Variants in ITIH6 observed in about 807,000 individuals in gnomAD.
The protein encoded by ITIH6 is inter-alpha-trypsin inhibitor heavy chain family member 6.
A neutral mutation model predicts 58.2 loss-of-function variants in ITIH6; 60 were observed. That is an observed-to-expected ratio of 1.03 (90% CI 0.84 to 1.28). The LOEUF (loss-of-function observed/expected upper bound fraction) is 1.28. Among genes scored for constraint, ITIH6 ranks in the 50% most tolerant of loss-of-function variants. The pLI is 0.00. For synonymous variants in ITIH6, 493 were observed against 417.4 expected (o/e 1.18, Z -2.21); for missense variants, 1,290 against 1,021.1 (o/e 1.26, Z -3.59).
At chrX:54,780,816 A>G (rs1283386109) in intron 5 of ITIH6, among the ~76,000 whole-genome samples, 1 of 111,690 alleles carries the variant, frequency 9.0e-6, no homozygotes, top group Non-Finnish European at 1.9e-5. Flanking sequence ...ATCAGATGAG[A>G]AAGTAGACAT....
intron 6 of ITIH6, among the ~76,000 whole-genome samples, chrX:54,768,215 C>T (rs1418912004): frequency 5.6e-5 from 2 of 35,992 alleles, no homozygotes; most frequent in East Asian, 1.8e-3. Context: ...GATTGCAACC[C>T]CTGCCTTTTT....
At chrX:54,763,394 A>G (rs760538678) in intron 6 of ITIH6, among the ~76,000 whole-genome samples, 1 of 111,832 alleles carries the variant, frequency 8.9e-6, no homozygotes, top group African/African-American at 3.2e-5. Context: ...TAGAAGTCAG[A>G]ACCTCTTGTT....
chrX:54,769,450 G>C (rs1401551626), intron 6 of ITIH6, among the ~76,000 whole-genome samples: 2 of 105,849 alleles, frequency 1.9e-5, no homozygotes, highest in South Asian at 4.4e-4. Context: ...AGGAGGAGAG[G>C]CACTCTGCGT....
chrX:54,753,849 A>T, intron 10 of ITIH6, 81 bp downstream of exon 10: 9 of 1,113,981 alleles, frequency 8.1e-6, no homozygotes, highest in Non-Finnish European at 9.9e-6. Context: ...GGAAGAGGTT[A>T]TGTCTATTTC....
At chrX:54,795,971 C>A (rs1013976525) in intron 2 of ITIH6, among the ~76,000 whole-genome samples, 9 of 112,065 alleles carry the variant, frequency 8.0e-5, no homozygotes, top group African/African-American at 2.9e-4. Flanking sequence ...TTCAAGCAAT[C>A]CTCCTGCCTC....
At position 54,767,386 on chromosome X, in the gene ITIH6, T is replaced by C. The variant is rs1465857007; in HGVS notation, c.903+6695A>G. Among the ~76,000 whole-genome samples, 3 of 107,335 alleles carry C rather than the reference T, an allele frequency of 2.8e-5. No homozygotes were observed. The East Asian group carries it at 8.7e-4, about 31-fold the overall frequency. 93.2% of individuals were successfully genotyped at this position (107,335 alleles called of 115,157 possible). ...TTGAAGGGTTTTTTTGTGTCTCTAT[T>C]TCCTTCAGTTCTGCTCTGATTTTAG... On this transcript the variant is annotated intron_variant, in intron 6 of 12. Coordinates refer to ENST00000218436, the MANE Select transcript of ITIH6 (RefSeq NM_198510.3).
intron 8 of ITIH6, among the ~76,000 whole-genome samples, 156 bp downstream of exon 8, chrX:54,756,809 A>AAAGC (rs555076681): frequency 0.11 from 11,549 of 107,973 alleles, 903 homozygotes; most frequent in African/African-American, 0.25. Flanking sequence ...CCAAAGTCCC[A>AAAGC]AAGCAAGCAA....
intron 6 of ITIH6, among the ~76,000 whole-genome samples, chrX:54,772,411 C>G (rs1403842665): frequency 4.5e-5 from 5 of 112,020 alleles, no homozygotes; most frequent in Admixed American, 9.5e-5. Context: ...TGCTTATTAC[C>G]TGGGTGACAA....
intron 5 of ITIH6, among the ~76,000 whole-genome samples, chrX:54,786,588 C>T (rs980999365): frequency 3.6e-5 from 4 of 111,029 alleles, no homozygotes; most frequent in African/African-American, 1.3e-4. Flanking sequence ...TTTTCTCGTG[C>T]GGCCCCCACT....
intron 5 of ITIH6, among the ~76,000 whole-genome samples, chrX:54,784,593 C>G (rs1302307082): frequency 8.9e-6 from 1 of 111,964 alleles, no homozygotes; most frequent in African/African-American, 3.2e-5. Context: ...TGAAAAGGTG[C>G]TCAACATCAC....
In ITIH6 at chrX:54,749,895, T is replaced by C; in HGVS notation, c.3942A>G (p.Ter1314TrpextTer22). Residue 1314 changes from the stop codon to tryptophan (W), a stop_lost, in exon 13 of 13, where the codon TGA (stop) becomes TGG (tryptophan). Coordinates refer to ENST00000218436, the MANE Select transcript of ITIH6 (RefSeq NM_198510.3). ...LGHPYLSYVL* is the reference protein window; with the variant it reads ...LGHPYLSYVLW Reference sequence around the variant, plus strand: ...TCCTGGCTCTGGAATTCAGAAGCCATCACAGGACATAGGAGAGGTAGGGGT... The same window carrying C: ...TCCTGGCTCTGGAATTCAGAAGCCACCACAGGACATAGGAGAGGTAGGGGT... 8.3e-7 allele frequency: 1 copy of C among 1,204,408 alleles called. No homozygotes were observed. Among genetic ancestry groups the C allele is most frequent in the Non-Finnish European group, 1.1e-6 (1 of 891,127 alleles).
At position 54,757,447 on chromosome X, in the gene ITIH6, G is replaced by A; in HGVS notation, c.2627C>T (p.Thr876Ile). The A allele has an allele frequency of 5.8e-6, 7 of 1,210,633 alleles. No individual in the cohort carries two copies. The highest frequency in any genetic ancestry group is 7.8e-6 in the Non-Finnish European group (7 of 894,742). The change falls in exon 8 of 13, where the codon ACC (threonine) becomes ATC (isoleucine). Residue 876 changes from threonine (T) to isoleucine (I), a missense_variant. Thr to Ile is a moderately conservative substitution (Grantham distance 89, BLOSUM62 -1). Coordinates refer to ENST00000218436, the MANE Select transcript of ITIH6 (RefSeq NM_198510.3). ...GGTTTGAGGCATATGGGGGTTTGGG[G>A]TCTCAGGCTTGGAAAGTGATATGCT... ...STSISLSKPE[T>I]PNPHMPQTPL...
intron 5 of ITIH6, among the ~76,000 whole-genome samples, chrX:54,779,020 T>G (rs1929103531): frequency 8.9e-6 from 1 of 112,270 alleles, no homozygotes; most frequent in Non-Finnish European, 1.9e-5. Flanking sequence ...TACCCTAGAA[T>G]AGTATATCTG....
In ITIH6 at chrX:54,749,600, A is replaced by G. The variant is rs1299422444; in HGVS notation, c.*295T>C. 3.7e-6 allele frequency: 1 copy of G among 270,861 alleles called. No homozygotes were observed. Among genetic ancestry groups the G allele is most frequent in the East Asian group, 6.1e-5 (1 of 16,297 alleles). The allele number at this position is 270,861 out of a possible 1,213,427, so 22.3% of individuals were successfully genotyped here. On this transcript the variant is annotated 3_prime_UTR_variant, in exon 13 of 13. Transcript: ENST00000218436. The stretch of plus-strand genomic sequence containing the variant: ...GTTAGGGAAAGCTGTGAGCAGAACT[A>G]CTGATCATTTTTTCGTTTTACAAAA...
intron 2 of ITIH6, among the ~76,000 whole-genome samples, chrX:54,795,175 A>G (rs952473254): frequency 1.8e-5 from 2 of 110,977 alleles, no homozygotes; most frequent in Non-Finnish European, 3.8e-5. Context: ...CTTGCTTAAC[A>G]CCTTGCCATG....
intron 9 of ITIH6, among the ~76,000 whole-genome samples, chrX:54,754,368 T>C (rs1168587791): frequency 8.9e-6 from 1 of 112,176 alleles, no homozygotes; most frequent in African/African-American, 3.2e-5. Flanking sequence ...GCTGTGAATA[T>C]GATGAAATAT....
At chrX:54,759,506 C>T (rs1174657739) in intron 7 of ITIH6, among the ~76,000 whole-genome samples, 1 of 112,105 alleles carries the variant, frequency 8.9e-6, no homozygotes, top group Non-Finnish European at 1.9e-5. Context: ...CAAGTGTTTG[C>T]TTTAAAGAAG....
At position 54,758,841 on chromosome X, in the gene ITIH6, G is replaced by T; in HGVS notation, c.1233C>A (p.Leu411=). Residue 411 remains leucine (L), a synonymous_variant, in exon 8 of 13, where the codon CTC becomes CTA. Transcript: ENST00000218436. ...TAGVTTPSVI[L]SNVRQALGHR... ...GGCCTAGCGCCTGACGGACATTGGAGAGGATCACACTGGGGGTCGTCACGC... is the reference window on the plus strand; with the variant it reads ...GGCCTAGCGCCTGACGGACATTGGATAGGATCACACTGGGGGTCGTCACGC... The T allele has an allele frequency of 2.5e-6, 3 of 1,211,801 alleles. No individual in the cohort carries two copies. The highest frequency in any genetic ancestry group is 3.4e-6 in the Non-Finnish European group (3 of 895,514).
At position 54,770,462 on chromosome X, in the gene ITIH6, G is replaced by C. The variant is rs1006491316; in HGVS notation, c.903+3619C>G. Among the ~76,000 whole-genome samples the C allele has an allele frequency of 3.5e-5, 4 of 112,725 alleles. No homozygotes were observed. In the South Asian group the frequency reaches 1.5e-3, roughly 41 times the overall value. On this transcript the variant is annotated intron_variant, in intron 6 of 12. Transcript: ENST00000218436. ...TTTTTTGGCTTCTCTAGTTTTAACT[G>C]GGCATTTTACATGATCCCGTTTTAT...
Sources: gnomAD v4.1 joint callset for allele counts (sites outside exome capture counted in the v4.1 genomes callset) on GRCh38, gnomAD v4.1.1 for gene constraint, MANE v1.5 for transcripts, NCBI Gene and HGNC (gene_info 2026-07-23, HGNC 2026-07-21) for gene names.